Variants in ATG12 observed in about 807,000 individuals in gnomAD.
ATG12 encodes ubiquitin-like protein ATG12.
In ATG12, 19 loss-of-function variants were observed where a neutral mutation model predicts 17.6. The observed-to-expected ratio is 1.08, with a 90% CI of 0.75 to 1.58. The LOEUF (loss-of-function observed/expected upper bound fraction) is 1.58, where lower values mean the gene tolerates loss of function less well. Among genes scored for constraint, ATG12 ranks in the 40% most tolerant of loss-of-function variants. The probability of loss-of-function intolerance (pLI) is 0.00; values close to 1 mark genes in which losing one functional copy is unlikely to be tolerated. For missense variants in ATG12, 214 were observed against 162.0 expected (o/e 1.32, Z -1.74); for synonymous variants, 75 against 62.4 (o/e 1.20, Z -0.95).
intron 1 of ATG12, chr5:115,838,812 G>A (rs952657216): frequency 2.6e-5 from 4 of 152,192 alleles, no homozygotes; most frequent in African/African-American, 7.2e-5. Flanking sequence ...CATCTGGCTG[G>A]GCGCGGTGGC....
At chr5:115,837,533 G>A in intron 2 of ATG12, 95 bp downstream of exon 2, 1 of 1,255,064 alleles carries the variant, frequency 8.0e-7, no homozygotes, top group Non-Finnish European at 1.1e-6. Flanking sequence ...CGACATATGT[G>A]GCTCCATATG....
chr5:115,834,182 G>A (rs536016823), intron 2 of ATG12: 31 of 152,330 alleles, frequency 2.0e-4, no homozygotes, highest in African/African-American at 7.0e-4. Context: ...GAGACAAAGA[G>A]TAAGATGGTG....
At chr5:115,841,179 C>G (rs1761440231) in intron 1 of ATG12, 8 of 553,608 alleles carry the variant, frequency 1.4e-5, no homozygotes, top group Non-Finnish European at 2.5e-5. Flanking sequence ...AGCCAAGTAT[C>G]AGGCCCTACA....
intron 1 of ATG12, chr5:115,838,021 A>G: frequency 3.0e-6 from 1 of 329,402 alleles, no homozygotes; most frequent in Non-Finnish European, 5.5e-6. Flanking sequence ...GGAAATACAA[A>G]TGATCAATAC....
chr5:115,837,174 G>T (rs895225493), intron 2 of ATG12, among the ~76,000 whole-genome samples: 1 of 152,166 alleles, frequency 6.6e-6, no homozygotes, highest in Non-Finnish European at 1.5e-5. Context: ...GGTTCACATT[G>T]TAAAACAAAT....
At chr5:115,837,562 T>G in intron 2 of ATG12, 66 bp downstream of exon 2, 1 of 1,539,548 alleles carries the variant, frequency 6.5e-7, no homozygotes, top group Non-Finnish European at 8.9e-7. Context: ...TAAACAACAG[T>G]TAATTCACTG....
At chr5:115,836,982 T>C (rs1229353392) in intron 2 of ATG12, among the ~76,000 whole-genome samples, 3 of 152,122 alleles carry the variant, frequency 2.0e-5, no homozygotes, top group East Asian at 1.9e-4. Context: ...ATTGCTTACC[T>C]CAAGAAAAAT....
Position 115,841,453 on chromosome 5 carries a change from G to T in ATG12, c.100C>A (p.Pro34Thr). The T allele has an allele frequency of 6.2e-7, 1 of 1,610,594 alleles. No homozygotes were observed. Among genetic ancestry groups the T allele is most frequent in the Non-Finnish European group, 8.5e-7 (1 of 1,179,150 alleles). ...GGGGAAACTGCAGCGGAAGACGGGG[G>T]CTCCGGGGTGGTTGTTTCTGGGGAG... ...DVSPETTTPEPPSSAAVSPGT... is the reference protein window; with the variant it reads ...DVSPETTTPETPSSAAVSPGT... Residue 34 changes from proline to threonine, a missense_variant, in exon 1 of 4, where the codon CCC becomes ACC. Pro to Thr is a conservative substitution (Grantham distance 38). Transcript: ENST00000509910.
At chr5:115,837,413 G>A (rs948098274) in intron 2 of ATG12, among the ~76,000 whole-genome samples, 3 of 151,754 alleles carry the variant, frequency 2.0e-5, no homozygotes, top group African/African-American at 4.8e-5. Flanking sequence ...GAACCAGGAG[G>A]AGAAGGTTGC....
Position 115,841,502 on chromosome 5 carries a change from A to C in ATG12, c.51T>G (p.Ala17=), listed in dbSNP as rs1344336548. ...SVLQLPTSIA[A]GGEGLTDVSP... is the part of the protein sequence containing the mutation. ...AGACATCCGTAAGTCCTTCCCCTCCAGCAGCAATTGAAGTAGGAAGCTGCA... is the reference window on the plus strand; with the variant it reads ...AGACATCCGTAAGTCCTTCCCCTCCCGCAGCAATTGAAGTAGGAAGCTGCA... Residue 17 remains alanine (A), a synonymous_variant, in exon 1 of 4, where the codon GCT becomes GCG. Transcript: ENST00000509910. The C allele has an allele frequency of 6.2e-7, 1 of 1,612,294 alleles. No individual in the cohort carries two copies.
At chr5:115,840,837 T>A in intron 1 of ATG12, 1 of 1,250,512 alleles carries the variant, frequency 8.0e-7, no homozygotes, top group Admixed American at 2.8e-5. Flanking sequence ...AAAATGTGTT[T>A]CTTAAAAAGG....
chr5:115,841,329 C>T, intron 1 of ATG12, 61 bp downstream of exon 1: 1 of 1,601,156 alleles, frequency 6.2e-7, no homozygotes. Context: ...TACTGGCCGC[C>T]ACCCCTACTC....
At chr5:115,831,941 G>A in intron 3 of ATG12, 78 bp from the exon 4 acceptor site, 2 of 1,354,094 alleles carry the variant, frequency 1.5e-6, no homozygotes, top group Non-Finnish European at 2.1e-6. Flanking sequence ...AATGCCACAT[G>A]TATCATAAAT....
At chr5:115,841,289 G>T in intron 1 of ATG12, 101 bp downstream of exon 1, 1 of 1,495,026 alleles carries the variant, frequency 6.7e-7, no homozygotes, top group South Asian at 1.2e-5. Flanking sequence ...TGCAGGTCTA[G>T]GACAGGCGCT....
chr5:115,840,134 C>A (rs927387517), intron 1 of ATG12, among the ~76,000 whole-genome samples: 1 of 152,080 alleles, frequency 6.6e-6, no homozygotes. Context: ...GTAAAACCTG[C>A]GGAATTCTTT....
At chr5:115,832,571 C>CTTTTTTTTTTTTTTTTTT (rs35310189) in intron 3 of ATG12, 31 bp downstream of exon 3, 4 of 802,452 alleles carry the variant, frequency 5.0e-6, no homozygotes, top group South Asian at 2.6e-5. Context: ...TAATTTCTTT[C>CTTTTTTTTTTTTTTTTTT]TTTTTTTTTT....
At chr5:115,837,587 C>T (rs779073731) in intron 2 of ATG12, 41 bp downstream of exon 2, 1 of 1,605,826 alleles carries the variant, frequency 6.2e-7, no homozygotes, top group Non-Finnish European at 8.5e-7. Flanking sequence ...CTAGGAACTA[C>T]TGCAAATTTT....
In ATG12 at chr5:115,841,562, A is replaced by G; in HGVS notation, c.-10T>C. ...GCGGCTCCTCCGCCATCTTGCTTGG[A>G]GACACTCGAGAGCGGAAGTAGCGAC... On this transcript the variant is annotated 5_prime_UTR_variant, in exon 1 of 4. Transcript: ENST00000509910. 6.2e-7 allele frequency: 1 copy of G among 1,614,054 alleles called. No individual in the cohort carries two copies. Among genetic ancestry groups the G allele is most frequent in the South Asian group, 1.1e-5 (1 of 91,078 alleles).
In ATG12 at chr5:115,836,292, C is replaced by T. The variant is rs566436067; in HGVS notation, c.300+1336G>A. Among the ~76,000 whole-genome samples the T allele has an allele frequency of 3.3e-5, 5 of 152,276 alleles. No homozygotes were observed. In the South Asian group the frequency reaches 1.0e-3, roughly 32 times the overall value. On this transcript the variant is annotated intron_variant, in intron 2 of 3. Coordinates refer to ENST00000509910, the MANE Select transcript of ATG12 (RefSeq NM_004707.4). ...GGTTACTGAATGAATACAGGCAATA[C>T]AAAATTTCAAGACTCTTAACACAGA...
Sources: allele counts gnomAD v4.1 joint callset (sites outside exome capture counted in the v4.1 genomes callset), GRCh38; gene constraint gnomAD v4.1.1; transcripts MANE v1.5; gene names NCBI Gene and HGNC (gene_info 2026-07-23, HGNC 2026-07-21).